Variants in CDCA2 observed in about 807,000 individuals in gnomAD.
CDCA2 encodes cell division cycle associated 2, also known as cell division cycle-associated protein 2.
CDCA2 carries 44 observed loss-of-function variants against 67.0 expected under a neutral mutation model. The ratio of observed to expected loss-of-function variants is 0.66; its 90% CI spans 0.52 to 0.84. The LOEUF is 0.84. Among genes scored for constraint, CDCA2 ranks in the 40% least tolerant of loss-of-function variants. CDCA2 has a pLI of 0.00. For missense variants in CDCA2, 1,253 were observed against 1,203.2 expected, an observed-to-expected ratio of 1.04 and a Z score of -0.61; for synonymous variants, 447 against 418.7, an observed-to-expected ratio of 1.07 and a Z score of -0.82.
At chr8:25,502,177 A>G (rs1011134830) in intron 13 of CDCA2, among the ~76,000 whole-genome samples, 5 of 152,020 alleles carry the variant, frequency 3.3e-5, no homozygotes, top group Admixed American at 1.3e-4. Context: ...TTACAGGCGT[A>G]AGCCACCACG....
At chr8:25,470,094 G>A in intron 7 of CDCA2, 114 bp downstream of exon 7, 1 of 642,506 alleles carries the variant, frequency 1.6e-6, no homozygotes, top group South Asian at 2.2e-5. Context: ...CTTTTTAGGA[G>A]CTCATGGCCT....
At position 25,468,297 on chromosome 8, in the gene CDCA2, C is replaced by T; in HGVS notation, c.619C>T (p.Gln207Ter). 1.2e-6 allele frequency: 2 copies of T among 1,612,050 alleles called. No homozygotes were observed. Among genetic ancestry groups the T allele is most frequent in the Non-Finnish European group, 1.7e-6 (2 of 1,179,166 alleles). Residue 207 changes from glutamine to a stop codon, truncating the protein, a stop_gained, in exon 6 of 15, where the codon CAG (glutamine) becomes TAG (stop). Coordinates refer to ENST00000330560, the MANE Select transcript of CDCA2 (RefSeq NM_152562.4). LOFTEE classifies it high-confidence loss of function. ...LSSKRRRISY[Q>*]RDSDENLTDA... ...CTCCAAACGTCGGAGAATATCCTAT[C>T]AGAGAGACTCTGATGAAAATCTGAC...
chr8:25,476,165 T>C (rs1268750373), intron 7 of CDCA2, among the ~76,000 whole-genome samples: 1 of 152,234 alleles, frequency 6.6e-6, no homozygotes, highest in South Asian at 2.1e-4. Flanking sequence ...TATTTTTGCC[T>C]GCAGATAGTT....
chr8:25,493,992 A>G (rs931377564), intron 13 of CDCA2, among the ~76,000 whole-genome samples: 1 of 152,270 alleles, frequency 6.6e-6, no homozygotes, highest in African/African-American at 2.4e-5. Flanking sequence ...AAAGCAAACC[A>G]TATGCTCATC....
chr8:25,460,208 GTTAT>G (rs1563255195), intron 1 of CDCA2, 28 bp from the exon 2 acceptor site: 1 of 1,608,768 alleles, frequency 6.2e-7, no homozygotes, highest in Non-Finnish European at 8.5e-7. Flanking sequence ...TGCTGGTGGG[GTTAT>G]TTTTCATTGT....
intron 7 of CDCA2, among the ~76,000 whole-genome samples, chr8:25,475,229 C>T (rs1803300994): frequency 6.6e-6 from 1 of 152,078 alleles, no homozygotes; most frequent in Non-Finnish European, 1.5e-5. Context: ...AAGTAGAATG[C>T]AAATATTTGG....
intron 5 of CDCA2, among the ~76,000 whole-genome samples, chr8:25,467,607 G>A (rs1251480773): frequency 6.6e-6 from 1 of 152,040 alleles, no homozygotes; most frequent in East Asian, 1.9e-4. Flanking sequence ...TTTAAAAAGC[G>A]TGAGGTACCA....
intron 8 of CDCA2, among the ~76,000 whole-genome samples, chr8:25,482,231 T>A (rs1332113220): frequency 6.6e-6 from 1 of 152,242 alleles, no homozygotes; most frequent in Admixed American, 6.5e-5. Flanking sequence ...CTTCTTTCCT[T>A]GTTTCTTCCT....
Position 25,503,353 on chromosome 8 carries a change from G to A in CDCA2, c.1672-20G>A, listed in dbSNP as rs771411744. 2.3e-5 allele frequency: 37 copies of A among 1,587,688 alleles called. No homozygotes were observed. The highest frequency in any genetic ancestry group is 3.2e-5 in the Non-Finnish European group (37 of 1,156,146). On this transcript the variant is annotated intron_variant, in intron 13 of 14. Coordinates refer to ENST00000330560, the MANE Select transcript of CDCA2 (RefSeq NM_152562.4). ...GTGCTACATCTTTCTCAATTGCAAT[G>A]TTTTAATGCATTTTCTCAGGTTTTA...
chr8:25,494,108 A>G (rs932604401), intron 13 of CDCA2, among the ~76,000 whole-genome samples: 1 of 152,186 alleles, frequency 6.6e-6, no homozygotes, highest in Non-Finnish European at 1.5e-5. Flanking sequence ...CAGTGATGCC[A>G]AGGGGACACA....
chr8:25,482,600 G>A (rs1457076701), intron 8 of CDCA2, among the ~76,000 whole-genome samples: 1 of 152,208 alleles, frequency 6.6e-6, no homozygotes, highest in Non-Finnish European at 1.5e-5. Context: ...TGGGCTCAGT[G>A]GCTCCCAGCT....
intron 13 of CDCA2, among the ~76,000 whole-genome samples, chr8:25,503,151 G>A (rs1044784766): frequency 9.9e-5 from 15 of 152,056 alleles, no homozygotes. Context: ...AGTCGTGGTG[G>A]TATGTACCTG....
intron 14 of CDCA2, among the ~76,000 whole-genome samples, chr8:25,506,152 A>C (rs1240856010): frequency 6.6e-6 from 1 of 152,214 alleles, no homozygotes; most frequent in Non-Finnish European, 1.5e-5. Flanking sequence ...GCCCATTTGC[A>C]GTCATTCATT....
intron 10 of CDCA2, 35 bp downstream of exon 10, chr8:25,484,245 T>C: frequency 6.2e-7 from 1 of 1,605,582 alleles, no homozygotes; most frequent in Non-Finnish European, 8.5e-7. Flanking sequence ...GCTTGCCATA[T>C]GTATTTTCAT....
chr8:25,500,251 C>CTTT (rs775778769), intron 13 of CDCA2, among the ~76,000 whole-genome samples: 2 of 133,066 alleles, frequency 1.5e-5, no homozygotes, highest in Admixed American at 7.7e-5. Context: ...AAGAGGGGAT[C>CTTT]TTTTTTTTTT....
Position 25,483,467 on chromosome 8 carries a change from T to A in CDCA2, c.1101T>A (p.Cys367Ter). The A allele has an allele frequency of 6.2e-7, 1 of 1,611,112 alleles. No individual in the cohort carries two copies. The highest frequency in any genetic ancestry group is 8.5e-7 in the Non-Finnish European group (1 of 1,178,516). Residue 367 changes from cysteine (C) to a stop codon, truncating the protein, a stop_gained, in exon 9 of 15, where the codon TGT becomes TGA. Transcript: ENST00000330560. LOFTEE classifies it high-confidence loss of function. ...HPSLISNLPN[C>*]CKEKEAEDEE... ...GCTTAATCTCAAATCTCCCAAACTG[T>A]TGCAAAGAGAAAGAAGCAGGTAAGA...
At chr8:25,460,356 C>A (rs757224499) in intron 2 of CDCA2, 28 bp from the exon 3 acceptor site, 1 of 1,614,172 alleles carries the variant, frequency 6.2e-7, no homozygotes, top group East Asian at 2.2e-5. Context: ...GAGTTGTCCT[C>A]ACCCCTACAA....
chr8:25,481,246 A>G (rs1803558543), intron 8 of CDCA2, among the ~76,000 whole-genome samples: 1 of 151,970 alleles, frequency 6.6e-6, no homozygotes, highest in Non-Finnish European at 1.5e-5. Context: ...AAAAAAAAAA[A>G]AAAAGCTGAT....
rs569779919 is a variant in CDCA2 at position 25,467,144 on chromosome 8, G to GT, written c.538+825dup. Among the ~76,000 whole-genome samples, 50 of 143,896 alleles carry GT rather than the reference G, an allele frequency of 3.5e-4. No individual in the cohort carries two copies. In the East Asian group the frequency reaches 5.5e-3, roughly 16 times the overall value. The allele number at this position is 143,896 out of a possible 152,430, so 94.4% of individuals were successfully genotyped here. A position where few individuals can be genotyped will look rare whatever the true frequency, so the allele number is the denominator to read the frequency against. The stretch of plus-strand genomic sequence containing the variant: ...CTCTTAGATTGTAATTCATTTGGTT[G>GT]TTTTTTCAGTCTTTTTTTTTTCCCC... On this transcript the variant is annotated intron_variant, in intron 5 of 14. Coordinates refer to ENST00000330560, the MANE Select transcript of CDCA2 (RefSeq NM_152562.4).
Sources: allele counts gnomAD v4.1 joint callset (sites outside exome capture counted in the v4.1 genomes callset), GRCh38; gene constraint gnomAD v4.1.1; transcripts MANE v1.5; gene names NCBI Gene and HGNC (gene_info 2026-07-23, HGNC 2026-07-21).